PPP1R9A: variants seen among roughly 807,000 people sequenced by gnomAD.
PPP1R9A encodes protein phosphatase 1 regulatory subunit 9A.
Under a neutral mutation model 141.9 loss-of-function variants are expected in PPP1R9A, and 59 were observed. The ratio of observed to expected loss-of-function variants is 0.42; its 90% CI spans 0.34 to 0.52. The LOEUF (loss-of-function observed/expected upper bound fraction) is 0.52, where lower values mean the gene tolerates loss of function less well. PPP1R9A is among the 20% of genes least tolerant of loss of function. The pLI is 0.10. For missense variants in PPP1R9A, 1,444 were observed against 1,611.9 expected (o/e 0.90, Z 1.78); for synonymous variants, 500 against 569.7 (o/e 0.88, Z 1.74).
At position 94,974,393 on chromosome 7, in the gene PPP1R9A, G is replaced by T. The variant is rs534028365; in HGVS notation, c.1395+62885G>T. ...AGATGAAATGGTAAGTTTAGTTTTG[G>T]ATAAGTTGAGTGTTATCTTTATATA... On this transcript the variant is annotated intron_variant, in intron 2 of 19. Transcript: ENST00000433360. 4.6e-5 allele frequency among the ~76,000 whole-genome samples: 7 copies of T among 152,306 alleles called. No individual in the cohort carries two copies. In the South Asian group the frequency reaches 1.5e-3, roughly 32 times the overall value.
chr7:95,197,883 A>G (rs1345845613), intron 5 of PPP1R9A, among the ~76,000 whole-genome samples: 4 of 152,172 alleles, frequency 2.6e-5, no homozygotes, highest in African/African-American at 7.2e-5. Flanking sequence ...TCCGGGCCTC[A>G]GGTGATCCAC....
rs1051554562 is a variant in PPP1R9A at position 95,290,086 on chromosome 7, C to T, written c.3913-5C>T. 1 of 1,612,454 alleles carries T rather than the reference C, an allele frequency of 6.2e-7. No individual in the cohort carries two copies. Among genetic ancestry groups the T allele is most frequent in the African/African-American group, 1.3e-5 (1 of 74,626 alleles). On this transcript the variant is annotated splice_polypyrimidine_tract_variant and splice_region_variant and intron_variant, in intron 19 of 19. Coordinates refer to ENST00000433360, the MANE Select transcript of PPP1R9A (RefSeq NM_001166160.2). ...ATTCAGTTTGTGTGTGTGTTTCTTTCTTAGGCTCTTGGAATGACAGCATCC... is the reference window on the plus strand; with the variant it reads ...ATTCAGTTTGTGTGTGTGTTTCTTTTTTAGGCTCTTGGAATGACAGCATCC...
chr7:95,133,575 T>C (rs141874431), intron 4 of PPP1R9A, among the ~76,000 whole-genome samples: 212 of 150,094 alleles, frequency 1.4e-3, no homozygotes, highest in African/African-American at 5.1e-3. Flanking sequence ...TACGAGTATG[T>C]TGTTTCAAGA....
At chr7:95,169,067 A>C (rs773140112) in intron 5 of PPP1R9A, among the ~76,000 whole-genome samples, 10 of 152,126 alleles carry the variant, frequency 6.6e-5, no homozygotes, top group Non-Finnish European at 8.8e-5. Context: ...CAGTATATCA[A>C]AGAGATGGCA....
intron 4 of PPP1R9A, among the ~76,000 whole-genome samples, chr7:95,142,082 G>A (rs1246135923): frequency 2.0e-5 from 3 of 151,880 alleles, no homozygotes; most frequent in Non-Finnish European, 4.4e-5. Context: ...TTTCATTTTA[G>A]TTTTGGTTTG....
At chr7:94,963,147 T>A (rs767005396) in intron 2 of PPP1R9A, among the ~76,000 whole-genome samples, 3 of 152,060 alleles carry the variant, frequency 2.0e-5, no homozygotes, top group Admixed American at 2.0e-4. Flanking sequence ...AATATTAAAA[T>A]ATATTTAATA....
At chr7:95,177,762 TA>T (rs913902486) in intron 5 of PPP1R9A, among the ~76,000 whole-genome samples, 10 of 151,564 alleles carry the variant, frequency 6.6e-5, no homozygotes, top group East Asian at 1.9e-4. Flanking sequence ...CAACAGCAAT[TA>T]AAAAAAAGAC....
At chr7:95,143,954 C>T (rs1035107568) in intron 4 of PPP1R9A, among the ~76,000 whole-genome samples, 2 of 151,874 alleles carry the variant, frequency 1.3e-5, no homozygotes, top group Admixed American at 6.6e-5. Flanking sequence ...ACATATTCAT[C>T]AAGCTAATTA....
chr7:95,106,741 A>G (rs77428877), intron 2 of PPP1R9A, among the ~76,000 whole-genome samples: 3,477 of 152,296 alleles, frequency 0.023, 146 homozygotes, highest in African/African-American at 0.079. Flanking sequence ...CTTTCTAGTT[A>G]TGCTTTCCTC....
chr7:95,020,011 G>C (rs951136589), intron 2 of PPP1R9A, among the ~76,000 whole-genome samples: 1 of 151,572 alleles, frequency 6.6e-6, no homozygotes, highest in Non-Finnish European at 1.5e-5. Flanking sequence ...AGTGGACTCA[G>C]CAGTCAAAAG....
intron 5 of PPP1R9A, among the ~76,000 whole-genome samples, chr7:95,175,499 T>TAA (rs201164911): frequency 9.7e-5 from 14 of 144,300 alleles, no homozygotes; most frequent in East Asian, 6.0e-4. Flanking sequence ...CCTTTGCCTT[T>TAA]AAAAAAAAAA....
At chr7:95,069,226 T>C (rs566474578) in intron 2 of PPP1R9A, among the ~76,000 whole-genome samples, 1 of 152,252 alleles carries the variant, frequency 6.6e-6, no homozygotes, top group East Asian at 1.9e-4. Context: ...ATAGTGTGTG[T>C]ATGACTGCCT....
At chr7:95,007,518 C>G (rs1803790160) in intron 2 of PPP1R9A, among the ~76,000 whole-genome samples, 1 of 152,142 alleles carries the variant, frequency 6.6e-6, no homozygotes, top group African/African-American at 2.4e-5. Context: ...CATATGTCTC[C>G]TCAATTGTGT....
rs1563371264 is a variant in PPP1R9A at position 95,181,714 on chromosome 7, CCGT to C, written c.1755-16633_1755-16631del. Among the ~76,000 whole-genome samples the C allele has an allele frequency of 1.8e-4, 22 of 120,740 alleles. No homozygotes were observed. The South Asian group carries it at 3.7e-3, about 20-fold the overall frequency. 79.2% of individuals were successfully genotyped at this position (120,740 alleles called of 152,430 possible). On this transcript the variant is annotated intron_variant, in intron 5 of 19. Transcript: ENST00000433360. Reference sequence around the variant, plus strand: ...CATATATATAGAATATATATATATTCCGTCACATATATATAGAATATATATATA... The same window carrying C: ...CATATATATAGAATATATATATATTCCACATATATATAGAATATATATATA...
intron 7 of PPP1R9A, 90 bp from the exon 8 acceptor site, chr7:95,225,871 G>A (rs888014023): frequency 1.4e-6 from 2 of 1,385,434 alleles, no homozygotes; most frequent in African/African-American, 2.9e-5. Flanking sequence ...TTGGGTACAT[G>A]TCTTACTTGT....
Position 95,269,211 on chromosome 7 carries a change from C to T in PPP1R9A, c.2828C>T (p.Ser943Leu). 1.3e-6 allele frequency: 2 copies of T among 1,526,832 alleles called. No homozygotes were observed. Among genetic ancestry groups the T allele is most frequent in the African/African-American group, 1.4e-5 (1 of 73,130 alleles). The allele number at this position is 1,526,832 out of a possible 1,614,324, so 94.6% of individuals were successfully genotyped here. ...TATAATCTCTTATACCAACAGCCAT[C>T]AAACAGTTTCTATAACCACATGCAT... ...DGEDSLERKPSNSFYNHMHIT... is the reference protein window; with the variant it reads ...DGEDSLERKPLNSFYNHMHIT... The change falls in exon 14 of 20, where the codon TCA becomes TTA. Residue 943 changes from serine (S) to leucine (L), a missense_variant. Around this residue, in one of 5 missense-constraint regions of PPP1R9A, gnomAD observed 459 missense variants for 513.8 expected, o/e 0.89. Transcript: ENST00000433360.
intron 2 of PPP1R9A, among the ~76,000 whole-genome samples, chr7:94,989,427 A>G (rs1801232838): frequency 6.6e-6 from 1 of 152,110 alleles, no homozygotes; most frequent in African/African-American, 2.4e-5. Flanking sequence ...TTGAACCTCC[A>G]TGGGACAGAA....
At chr7:95,242,184 A>C (rs1295277136) in intron 8 of PPP1R9A, among the ~76,000 whole-genome samples, 1 of 152,208 alleles carries the variant, frequency 6.6e-6, no homozygotes, top group Non-Finnish European at 1.5e-5. Flanking sequence ...ATGTAGTTAA[A>C]AACAGCTTTG....
intron 2 of PPP1R9A, among the ~76,000 whole-genome samples, chr7:94,980,366 A>C (rs907248519): frequency 2.6e-5 from 4 of 152,106 alleles, no homozygotes; most frequent in Non-Finnish European, 5.9e-5. Flanking sequence ...ATATTGTATT[A>C]ATATTACAGT....
Sources: gnomAD v4.1 joint callset for allele counts (sites outside exome capture counted in the v4.1 genomes callset) on GRCh38, gnomAD v4.1.1 for gene constraint, gnomAD v4.1.1 regional missense constraint, MANE v1.5 for transcripts, NCBI Gene and HGNC (gene_info 2026-07-23, HGNC 2026-07-21) for gene names.